The following SPINK5 variants were observed in gnomAD, a reference collection of about 807,000 sequenced individuals.
SPINK5 encodes the protein serine protease inhibitor Kazal-type 5.
A neutral mutation model predicts 151.8 loss-of-function variants in SPINK5; 125 were observed. The observed-to-expected ratio is 0.82, with a 90% CI of 0.71 to 0.96. The LOEUF (loss-of-function observed/expected upper bound fraction) is 0.96, where lower values mean the gene tolerates loss of function less well. SPINK5 is among the 40% of genes least tolerant of loss of function. SPINK5 has a pLI of 0.00. For missense variants in SPINK5, 1,194 were observed against 1,291.9 expected, an observed-to-expected ratio of 0.92 and a Z score of 1.16; for synonymous variants, 374 against 395.3, an observed-to-expected ratio of 0.95 and a Z score of 0.64.
intron 32 of SPINK5, among the ~76,000 whole-genome samples, chr5:148,135,440 T>C (rs1456216448): frequency 1.3e-5 from 2 of 152,214 alleles, no homozygotes; most frequent in East Asian, 3.8e-4. Flanking sequence ...ATGTATTTCT[T>C]TAAATAATGA....
intron 11 of SPINK5, among the ~76,000 whole-genome samples, 154 bp from the exon 12 acceptor site, chr5:148,099,080 G>A (rs571943330): frequency 7.3e-6 from 1 of 136,888 alleles, no homozygotes; most frequent in African/African-American, 3.3e-5. Context: ...TACTATCCTG[G>A]AGGATATTTT....
intron 24 of SPINK5, 114 bp from the exon 25 acceptor site, chr5:148,119,895 T>TCA: frequency 8.3e-7 from 1 of 1,198,688 alleles, no homozygotes; most frequent in Non-Finnish European, 1.2e-6. Flanking sequence ...ATTTTGCCTA[T>TCA]CACAGCAAGG....
intron 30 of SPINK5, among the ~76,000 whole-genome samples, chr5:148,127,419 T>G (rs997264349): frequency 1.3e-5 from 2 of 152,222 alleles, no homozygotes; most frequent in African/African-American, 4.8e-5. Context: ...CTTGGTATTC[T>G]TAGCTTCCTC....
chr5:148,066,609 G>GAA (rs1387641009), intron 2 of SPINK5, among the ~76,000 whole-genome samples: 37 of 152,122 alleles, frequency 2.4e-4, no homozygotes, highest in African/African-American at 8.9e-4. Context: ...GATAGGGAGA[G>GAA]GTCCAGAAAG....
At chr5:148,095,078 G>A (rs1199475898) in intron 9 of SPINK5, among the ~76,000 whole-genome samples, 2 of 151,898 alleles carry the variant, frequency 1.3e-5, no homozygotes, top group Non-Finnish European at 2.9e-5. Context: ...TTGGCCAGAT[G>A]ATGTCCCCTC....
At chr5:148,133,922 GT>G (rs1389308432) in intron 32 of SPINK5, 35 bp downstream of exon 32, 1 of 1,603,330 alleles carries the variant, frequency 6.2e-7, no homozygotes, top group Non-Finnish European at 8.5e-7. Flanking sequence ...CCATGGTTAC[GT>G]TGTGAGGAGC....
chr5:148,065,237 A>T, intron 1 of SPINK5, 110 bp from the exon 2 acceptor site: 1 of 1,229,408 alleles, frequency 8.1e-7, no homozygotes, highest in Non-Finnish European at 1.2e-6. Flanking sequence ...TTGCGGTTTT[A>T]CAACATATTG....
intron 10 of SPINK5, among the ~76,000 whole-genome samples, chr5:148,096,987 A>G (rs1221377323): frequency 6.6e-6 from 1 of 151,342 alleles, no homozygotes; most frequent in Non-Finnish European, 1.5e-5. Flanking sequence ...TTTAATTTTG[A>G]TATTCAAATA....
intron 15 of SPINK5, among the ~76,000 whole-genome samples, chr5:148,103,882 A>G (rs1038031343): frequency 6.6e-6 from 1 of 152,048 alleles, no homozygotes; most frequent in Non-Finnish European, 1.5e-5. Flanking sequence ...AAATTATGTA[A>G]TTTTTTTCTA....
At chr5:148,111,241 G>A (rs1345455881) in intron 18 of SPINK5, among the ~76,000 whole-genome samples, 3 of 151,886 alleles carry the variant, frequency 2.0e-5, no homozygotes, top group African/African-American at 4.8e-5. Context: ...TTCTTCTGTG[G>A]TTACATCTCC....
Position 148,107,123 on chromosome 5 carries a change from C to T in SPINK5, c.1566C>T (p.Gly522=). 1 of 1,612,960 alleles carries T rather than the reference C, an allele frequency of 6.2e-7. No individual in the cohort carries two copies. Among genetic ancestry groups the T allele is most frequent in the Non-Finnish European group, 8.5e-7 (1 of 1,179,310 alleles). ...ATAATCCTGTCCGTGGCCCAGATGG[C>T]AAAATGCATGGAAACAAGTGTGCCA... ...REHNPVRGPD[G]KMHGNKCAMC... is the part of the protein sequence containing the mutation. Residue 522 remains glycine, a synonymous_variant, in exon 17 of 33, where the codon GGC becomes GGT. Coordinates refer to ENST00000256084, the MANE Select transcript of SPINK5 (RefSeq NM_006846.4).
chr5:148,091,715 T>C (rs1401609728), intron 8 of SPINK5, among the ~76,000 whole-genome samples: 2 of 151,642 alleles, frequency 1.3e-5, no homozygotes, highest in East Asian at 2.0e-4. Flanking sequence ...CACTTTGCCA[T>C]TGTGATTATT....
At chr5:148,099,128 A>C (rs1304312009) in intron 11 of SPINK5, 106 bp from the exon 12 acceptor site, 3 of 1,028,870 alleles carry the variant, frequency 2.9e-6, no homozygotes, top group Non-Finnish European at 2.9e-6. Flanking sequence ...AAGGGACAAA[A>C]TTGTTCCACT....
At chr5:148,105,647 G>A (rs1019353810) in intron 16 of SPINK5, among the ~76,000 whole-genome samples, 10 of 151,624 alleles carry the variant, frequency 6.6e-5, no homozygotes, top group South Asian at 2.1e-4. Flanking sequence ...ATGGAGTCTC[G>A]CTCTGTTGCC....
In SPINK5 at chr5:148,082,905, G is replaced by A. The variant is rs1187641865; in HGVS notation, c.283-3500G>A. 1.4e-5 allele frequency among the ~76,000 whole-genome samples: 2 copies of A among 147,256 alleles called. 1 individual carries two copies. The highest frequency in any genetic ancestry group is 3.0e-5 in the Non-Finnish European group (2 of 66,734). On this transcript the variant is annotated intron_variant, in intron 4 of 32. Transcript: ENST00000256084. ...ATTACAGGCGTGAGCCACCGCGCCC[G>A]GCCTATATATTCTTAAAAAATGTTT...
intron 14 of SPINK5, 148 bp from the exon 15 acceptor site, chr5:148,101,633 T>C (rs1366566586): frequency 1.5e-6 from 2 of 1,299,944 alleles, no homozygotes; most frequent in African/African-American, 1.5e-5. Context: ...TTTTTATCAC[T>C]TAAAAAATCC....
intron 29 of SPINK5, among the ~76,000 whole-genome samples, 155 bp from the exon 30 acceptor site, chr5:148,126,828 G>A (rs1344897837): frequency 6.6e-6 from 1 of 152,140 alleles, no homozygotes; most frequent in East Asian, 1.9e-4. Flanking sequence ...CTGACCTCAG[G>A]TGATTCGCCA....
intron 10 of SPINK5, 31 bp from the exon 11 acceptor site, chr5:148,097,836 A>G (rs1753510089): frequency 1.3e-6 from 2 of 1,582,318 alleles, no homozygotes; most frequent in Non-Finnish European, 8.7e-7. Context: ...AAACAGAACT[A>G]TATCTCAACT....
intron 32 of SPINK5, among the ~76,000 whole-genome samples, chr5:148,136,664 C>G (rs1754701631): frequency 6.6e-6 from 1 of 152,176 alleles, no homozygotes; most frequent in Non-Finnish European, 1.5e-5. Flanking sequence ...CTAAACTTCT[C>G]TGAAGCTCAA....
Sources: allele counts gnomAD v4.1 joint callset (sites outside exome capture counted in the v4.1 genomes callset), GRCh38; gene constraint gnomAD v4.1.1; transcripts MANE v1.5; gene names NCBI Gene and HGNC (gene_info 2026-07-23, HGNC 2026-07-21).